The following MEIS2 variants were observed in gnomAD, a reference collection of about 807,000 sequenced individuals.
MEIS2 encodes the protein Meis homeobox 2.
MEIS2 carries 9 observed loss-of-function variants against 58.6 expected under a neutral mutation model. The observed-to-expected ratio is 0.15, with a 90% CI of 0.09 to 0.27. MEIS2 has a LOEUF of 0.27. Among genes scored for constraint, MEIS2 ranks in the 10% least tolerant of loss-of-function variants. The pLI is 1.00. For missense variants in MEIS2, 427 were observed against 635.0 expected (o/e 0.67, Z 3.52); for synonymous variants, 221 against 228.4 (o/e 0.97, Z 0.29).
At chr15:36,973,999 A>G (rs1312891170) in intron 8 of MEIS2, among the ~76,000 whole-genome samples, 1 of 152,210 alleles carries the variant, frequency 6.6e-6, no homozygotes, top group African/African-American at 2.4e-5. Context: ...CGATTTTTCT[A>G]GCTATCATGC....
chr15:37,093,500 G>C, intron 6 of MEIS2, 81 bp downstream of exon 6: 1 of 1,497,544 alleles, frequency 6.7e-7, no homozygotes, highest in Non-Finnish European at 9.0e-7. Context: ...AACTAAATCA[G>C]TGGAGCTAGA....
intron 9 of MEIS2, among the ~76,000 whole-genome samples, chr15:36,931,932 A>G (rs16964355): frequency 0.074 from 11,334 of 152,316 alleles, 630 homozygotes; most frequent in South Asian, 0.27. Context: ...ATAATCAGAC[A>G]TTTCACAAAG....
intron 9 of MEIS2, among the ~76,000 whole-genome samples, chr15:36,926,673 G>A (rs2057761360): frequency 6.6e-6 from 1 of 152,110 alleles, no homozygotes; most frequent in African/African-American, 2.4e-5. Context: ...TTAACACTGT[G>A]CAACTGATGT....
chr15:36,910,774 C>T (rs2141264902), intron 9 of MEIS2, among the ~76,000 whole-genome samples: 1 of 152,288 alleles, frequency 6.6e-6, no homozygotes, highest in East Asian at 1.9e-4. Flanking sequence ...TTGCTGGGCG[C>T]AGTGGCTCAC....
chr15:37,007,926 C>A (rs1010829998), intron 8 of MEIS2, among the ~76,000 whole-genome samples: 1 of 152,136 alleles, frequency 6.6e-6, no homozygotes, highest in Non-Finnish European at 1.5e-5. Flanking sequence ...CAATATATAG[C>A]AAAACTTAAT....
chr15:37,096,224 G>A, intron 3 of MEIS2, 65 bp downstream of exon 3: 1 of 1,479,214 alleles, frequency 6.8e-7, no homozygotes, highest in Non-Finnish European at 9.1e-7. Context: ...TTCAAGTAAA[G>A]CTCCGAGGAA....
At chr15:37,094,196 T>A (rs1893905295) in intron 5 of MEIS2, among the ~76,000 whole-genome samples, 1 of 152,208 alleles carries the variant, frequency 6.6e-6, no homozygotes, top group Non-Finnish European at 1.5e-5. Flanking sequence ...CTGCACCTAA[T>A]GCAAACCCAG....
intron 9 of MEIS2, among the ~76,000 whole-genome samples, chr15:36,909,031 G>C (rs968077042): frequency 1.3e-5 from 2 of 152,094 alleles, no homozygotes; most frequent in African/African-American, 4.8e-5. Context: ...TTAGAGTCAG[G>C]TAACGTACAA....
At chr15:37,089,082 C>T (rs1033317013) in intron 6 of MEIS2, among the ~76,000 whole-genome samples, 10 of 150,870 alleles carry the variant, frequency 6.6e-5, no homozygotes, top group Non-Finnish European at 1.2e-4. Flanking sequence ...CACCAGAAAC[C>T]ACGCAGCAGC....
At chr15:37,075,539 A>G (rs1891287664) in intron 7 of MEIS2, among the ~76,000 whole-genome samples, 2 of 152,094 alleles carry the variant, frequency 1.3e-5, no homozygotes, top group Admixed American at 1.3e-4. Flanking sequence ...GAACCAATAC[A>G]CACCAAGTTT....
intron 9 of MEIS2, chr15:36,896,907 A>G: frequency 2.1e-6 from 1 of 483,116 alleles, no homozygotes; most frequent in Non-Finnish European, 3.7e-6. Flanking sequence ...AGAAGAGCTC[A>G]GGGACGGAAT....
chr15:36,959,268 AT>A (rs2059099284), intron 8 of MEIS2, among the ~76,000 whole-genome samples: 1 of 152,024 alleles, frequency 6.6e-6, no homozygotes, highest in African/African-American at 2.4e-5. Flanking sequence ...CAATATCCAG[AT>A]TTTTTTCCTG....
intron 9 of MEIS2, among the ~76,000 whole-genome samples, chr15:36,925,466 G>A (rs1242385918): frequency 6.6e-6 from 1 of 151,936 alleles, no homozygotes. Context: ...AGGGTGAGGC[G>A]GCTGCTTTGT....
At chr15:36,905,553 A>T (rs2056691083) in intron 9 of MEIS2, among the ~76,000 whole-genome samples, 1 of 152,138 alleles carries the variant, frequency 6.6e-6, no homozygotes. Flanking sequence ...TGGGTTTGGC[A>T]TGGGAAGAGG....
intron 8 of MEIS2, among the ~76,000 whole-genome samples, chr15:36,959,521 C>A (rs2059108507): frequency 6.6e-6 from 1 of 152,180 alleles, no homozygotes; most frequent in Admixed American, 6.5e-5. Flanking sequence ...CAAGTGAATT[C>A]TTTGCATCCC....
At chr15:37,012,460 T>G (rs2061198147) in intron 8 of MEIS2, among the ~76,000 whole-genome samples, 1 of 152,246 alleles carries the variant, frequency 6.6e-6, no homozygotes, top group Non-Finnish European at 1.5e-5. Flanking sequence ...TGCATCCTAT[T>G]CATAGGCCTG....
Position 36,896,630 on chromosome 15 carries a change from G to T in MEIS2, c.1034C>A (p.Ala345Glu). 2 of 1,611,526 alleles carry T rather than the reference G, an allele frequency of 1.2e-6. No homozygotes were observed. Among genetic ancestry groups the T allele is most frequent in the Non-Finnish European group, 1.7e-6 (2 of 1,178,884 alleles). Residue 345 changes from alanine (A) to glutamate (E), a missense_variant and splice_region_variant, in exon 10 of 12, where the codon GCA (alanine) becomes GAA (glutamate). By Grantham distance (107) the Ala-to-Glu change is moderately radical (BLOSUM62 -1). This residue lies in a region of MEIS2 where 19 missense variants were observed against 37.3 expected (regional missense o/e 0.51). Coordinates refer to ENST00000561208, the MANE Select transcript of MEIS2 (RefSeq NM_170675.5). ...VQPMIDQSNRAGFLLDPSVSQ... is the reference protein window; with the variant it reads ...VQPMIDQSNREGFLLDPSVSQ... ...TATAGATACTACTTGGAACTTGCCT[G>T]CTCGATTTGACTGGTCAATCATGGG...
At chr15:36,924,448 A>G (rs1224262442) in intron 9 of MEIS2, among the ~76,000 whole-genome samples, 1 of 152,260 alleles carries the variant, frequency 6.6e-6, no homozygotes, top group Non-Finnish European at 1.5e-5. Context: ...CAGAGAAAAC[A>G]ATAGAACCAA....
intron 7 of MEIS2, among the ~76,000 whole-genome samples, chr15:37,041,416 T>C (rs1252711259): frequency 6.6e-6 from 1 of 152,204 alleles, no homozygotes; most frequent in African/African-American, 2.4e-5. Flanking sequence ...CCTTCTGTCT[T>C]AAGACTCTGA....
Sources: gnomAD v4.1 joint callset for allele counts (sites outside exome capture counted in the v4.1 genomes callset) on GRCh38, gnomAD v4.1.1 for gene constraint, gnomAD v4.1.1 regional missense constraint, MANE v1.5 for transcripts, NCBI Gene and HGNC (gene_info 2026-07-23, HGNC 2026-07-21) for gene names.